The following CACNA1D variants were observed in gnomAD, a reference collection of about 807,000 sequenced individuals.
CACNA1D encodes calcium voltage-gated channel subunit alpha1 D, also known as voltage-dependent L-type calcium channel subunit alpha-1D.
CACNA1D carries 55 observed loss-of-function variants against 257.1 expected under a neutral mutation model. That is an observed-to-expected ratio of 0.21 (90% CI 0.17 to 0.27). The LOEUF is 0.27. Among genes scored for constraint, CACNA1D ranks in the 10% least tolerant of loss-of-function variants. The pLI is 1.00. For synonymous variants in CACNA1D, 980 were observed against 1,014.9 expected (o/e 0.97, Z 0.65); for missense variants, 1,876 against 2,784.0 (o/e 0.67, Z 7.34).
intron 39 of CACNA1D, chr3:53,782,256 GTGTGTGTGTA>G (rs1293756704): frequency 8.9e-5 from 5 of 56,148 alleles, no homozygotes; most frequent in South Asian, 7.4e-4. Flanking sequence ...GTGTGTGTGT[GTGTGTGTGTA>G]TATATATATA....
chr3:53,556,535 T>TTTA (rs1330329154), intron 3 of CACNA1D, among the ~76,000 whole-genome samples: 1 of 152,146 alleles, frequency 6.6e-6, no homozygotes, highest in African/African-American at 2.4e-5. Flanking sequence ...TTGCCACCTG[T>TTTA]TTATTATTAT....
intron 3 of CACNA1D, among the ~76,000 whole-genome samples, chr3:53,638,711 G>A (rs1217975865): frequency 6.6e-6 from 1 of 152,234 alleles, no homozygotes; most frequent in African/African-American, 2.4e-5. Context: ...AAGTGGCAGA[G>A]CCAGAACCTG....
intron 9 of CACNA1D, among the ~76,000 whole-genome samples, chr3:53,712,251 CTT>C: frequency 6.6e-6 from 1 of 152,300 alleles, no homozygotes; most frequent in South Asian, 2.1e-4. Flanking sequence ...ATTTAAGGAA[CTT>C]TATTTTGAGT....
At chr3:53,648,370 G>T (rs1457880407) in intron 3 of CACNA1D, among the ~76,000 whole-genome samples, 2 of 152,156 alleles carry the variant, frequency 1.3e-5, no homozygotes, top group Non-Finnish European at 2.9e-5. Flanking sequence ...CATTTTCAGG[G>T]ATTTTTGCCT....
chr3:53,700,020 A>G (rs1253126289), intron 8 of CACNA1D, among the ~76,000 whole-genome samples: 1 of 150,758 alleles, frequency 6.6e-6, no homozygotes, highest in African/African-American at 2.4e-5. Context: ...TGAGAAGCTT[A>G]AGGACGTTCA....
At chr3:53,603,703 G>A (rs1441337586) in intron 3 of CACNA1D, among the ~76,000 whole-genome samples, 1 of 152,174 alleles carries the variant, frequency 6.6e-6, no homozygotes, top group East Asian at 1.9e-4. Flanking sequence ...TTGATGGGGA[G>A]CCCACAAACA....
intron 45 of CACNA1D, among the ~76,000 whole-genome samples, chr3:53,805,847 T>TTCCTCCTCCTCCCTCATCTTCCC (rs1256972190): frequency 8.2e-6 from 1 of 121,968 alleles, no homozygotes; most frequent in Non-Finnish European, 1.7e-5. Context: ...TCCTCCATCT[T>TTCCTCCTCCTCCCTCATCTTCCC]TCCTCCTCCT....
chr3:53,718,804 G>A (rs774201670), intron 10 of CACNA1D: 14 of 1,369,274 alleles, frequency 1.0e-5, no homozygotes, highest in Non-Finnish European at 1.3e-5. Flanking sequence ...AAGAGCTTCT[G>A]TGGCAGAGTT....
At chr3:53,630,157 T>C (rs1395194963) in intron 3 of CACNA1D, among the ~76,000 whole-genome samples, 1 of 152,248 alleles carries the variant, frequency 6.6e-6, no homozygotes, top group East Asian at 1.9e-4. Flanking sequence ...GCCAATCTGA[T>C]GAAGTAGGGC....
intron 20 of CACNA1D, among the ~76,000 whole-genome samples, chr3:53,739,668 G>A (rs2095095718): frequency 1.3e-5 from 2 of 152,140 alleles, no homozygotes; most frequent in Admixed American, 1.3e-4. Flanking sequence ...GCAGAACAAC[G>A]GGCAGGAGTG....
chr3:53,540,989 G>A (rs1314999497), intron 3 of CACNA1D, among the ~76,000 whole-genome samples: 1 of 151,938 alleles, frequency 6.6e-6, no homozygotes, highest in Non-Finnish European at 1.5e-5. Flanking sequence ...TGATCCATTT[G>A]CCTCGGCCTC....
chr3:53,643,539 C>T (rs1419052548), intron 3 of CACNA1D, among the ~76,000 whole-genome samples: 3 of 152,140 alleles, frequency 2.0e-5, no homozygotes, highest in Non-Finnish European at 2.9e-5. Flanking sequence ...TCTTGCTGTT[C>T]TTGCTTGGTC....
intron 2 of CACNA1D, among the ~76,000 whole-genome samples, chr3:53,500,683 T>G (rs1433338599): frequency 6.6e-6 from 1 of 152,220 alleles, no homozygotes; most frequent in African/African-American, 2.4e-5. Flanking sequence ...AACCTTGTAT[T>G]TGGAAAGGCT....
chr3:53,610,686 T>A (rs1382009363), intron 3 of CACNA1D, among the ~76,000 whole-genome samples: 1 of 152,244 alleles, frequency 6.6e-6, no homozygotes, highest in Non-Finnish European at 1.5e-5. Flanking sequence ...ATTTTTTCCA[T>A]CTATTTGTTG....
intron 9 of CACNA1D, chr3:53,710,317 G>A: frequency 2.3e-6 from 1 of 440,144 alleles, no homozygotes; most frequent in Admixed American, 2.4e-5. Flanking sequence ...GGCAGGGCTG[G>A]CCGCGTGGGG....
intron 22 of CACNA1D, among the ~76,000 whole-genome samples, chr3:53,744,532 C>A (rs1189180236): frequency 6.6e-6 from 1 of 152,222 alleles, no homozygotes; most frequent in Non-Finnish European, 1.5e-5. Flanking sequence ...CTGTGAGTGC[C>A]ATGGGCTGGG....
chr3:53,802,063 T>A, intron 42 of CACNA1D, 84 bp from the exon 43 acceptor site: 1 of 1,191,356 alleles, frequency 8.4e-7, no homozygotes, highest in Non-Finnish European at 1.3e-6. Context: ...CTCTAGGAGG[T>A]AGCCTGATGT....
At chr3:53,718,583 CCCCCCCG>C in intron 10 of CACNA1D, 195 bp downstream of exon 10, 1 of 652,102 alleles carries the variant, frequency 1.5e-6, no homozygotes, top group East Asian at 3.1e-5. Context: ...CCACCCCCCG[CCCCCCCG>C]CCCCCCGGCC....
At chr3:53,674,458 C>T (rs1023408433) in intron 8 of CACNA1D, among the ~76,000 whole-genome samples, 1 of 152,228 alleles carries the variant, frequency 6.6e-6, no homozygotes, top group Admixed American at 6.5e-5. Flanking sequence ...GCACACATTT[C>T]CCATGGCCTT....
Sources: allele counts gnomAD v4.1 joint callset (sites outside exome capture counted in the v4.1 genomes callset), GRCh38; gene constraint gnomAD v4.1.1; transcripts MANE v1.5; gene names NCBI Gene and HGNC (gene_info 2026-07-23, HGNC 2026-07-21).